Variants in BLM observed in about 807,000 individuals in gnomAD.
BLM encodes recQ-like DNA helicase BLM.
A neutral mutation model predicts 135.3 loss-of-function variants in BLM; 95 were observed. The observed-to-expected ratio is 0.70, with a 90% confidence interval of 0.59 to 0.83. The LOEUF is 0.83. Among genes scored for constraint, BLM ranks in the 40% least tolerant of loss-of-function variants. The pLI is 0.00. For synonymous variants in BLM, 520 were observed against 589.2 expected (o/e 0.88, Z 1.70); for missense variants, 1,518 against 1,663.9 (o/e 0.91, Z 1.53).
rs558524280 is a variant in BLM, at chr15:90,750,010, A to T, written c.742A>T (p.Ile248Leu). ...TGATGGCCCCATTGCTGAAGTGCAT[A>T]TAAATGAAGATGCTCAGGAAAGTGA... ...IDDGPIAEVH[I>L]NEDAQESDSL... Residue 248 changes from isoleucine to leucine, a missense_variant, in exon 3 of 22, where the codon ATA (isoleucine) becomes TTA (leucine). Physicochemically the swap from Ile to Leu is conservative, Grantham distance 5 (BLOSUM62 2). Around this residue, in one of 5 missense-constraint regions of BLM, gnomAD observed 724 missense variants for 756.9 expected, o/e 0.96. Coordinates refer to ENST00000355112, the MANE Select transcript of BLM (RefSeq NM_000057.4). 1.7e-5 allele frequency: 28 copies of T among 1,614,242 alleles called. No homozygotes were observed. The highest frequency in any genetic ancestry group is 2.4e-5 in the Non-Finnish European group (28 of 1,180,044).
chr15:90,742,162 T>G (rs1219505997), intron 1 of BLM, among the ~76,000 whole-genome samples: 1 of 152,160 alleles, frequency 6.6e-6, no homozygotes, highest in East Asian at 1.9e-4. Flanking sequence ...AGTGCCCCAG[T>G]TAAGGTAAAG....
intron 18 of BLM, 121 bp downstream of exon 18, chr15:90,803,841 C>A: frequency 2.9e-6 from 3 of 1,026,274 alleles, no homozygotes; most frequent in Non-Finnish European, 4.3e-6. Context: ...CTGTTCTATA[C>A]GAACATATTC....
chr15:90,769,686 A>G, intron 12 of BLM, 100 bp downstream of exon 12: 1 of 1,265,738 alleles, frequency 7.9e-7, no homozygotes, highest in Non-Finnish European at 1.1e-6. Flanking sequence ...CCACCACCCC[A>G]CCCCCACCCC....
At position 90,814,196 on chromosome 15, in the gene BLM, C is replaced by T. The variant is rs1204003745; in HGVS notation, c.4077-906C>T. 2.0e-5 allele frequency among the ~76,000 whole-genome samples: 3 copies of T among 152,214 alleles called. No individual in the cohort carries two copies. In the East Asian group the frequency reaches 5.8e-4, roughly 29 times the overall value. On this transcript the variant is annotated intron_variant, in intron 21 of 21. Transcript: ENST00000355112. ...CCCACAGGCTGTGGCCCTATACCCT[C>T]AATTCAGACGGGAGGCTACTTGTAT...
rs1156919580 is a variant in BLM, at chr15:90,803,616, G to T, written c.3454G>T (p.Asp1152Tyr). 1.9e-6 allele frequency: 3 copies of T among 1,613,978 alleles called. No homozygotes were observed. Among genetic ancestry groups the T allele is most frequent in the Non-Finnish European group, 2.5e-6 (3 of 1,179,994 alleles). Residue 1152 changes from aspartate to tyrosine, a missense_variant, in exon 18 of 22, where the codon GAC becomes TAC. Asp to Tyr is a radical substitution (Grantham distance 160). Coordinates refer to ENST00000355112, the MANE Select transcript of BLM (RefSeq NM_000057.4). The part of the protein sequence containing the change: ...AERLFKKLIL[D>Y]KILDEDLYIN... ...AAGACTTTTTAAAAAGCTGATACTT[G>T]ACAAGATTTTGGATGAAGACTTATA...
chr15:90,802,332 G>C (rs1257508088), intron 17 of BLM, among the ~76,000 whole-genome samples: 1 of 152,166 alleles, frequency 6.6e-6, no homozygotes, highest in Admixed American at 6.5e-5. Context: ...AATGTCACAA[G>C]GTCTCTTAAG....
chr15:90,758,244 T>G (rs1424684495), intron 5 of BLM, among the ~76,000 whole-genome samples: 1 of 151,964 alleles, frequency 6.6e-6, no homozygotes, highest in Non-Finnish European at 1.5e-5. Context: ...TCCCAGCACT[T>G]TGGGAGACCG....
At position 90,749,780 on chromosome 15, in the gene BLM, C is replaced by T. The variant is rs2151147496; in HGVS notation, c.512C>T (p.Thr171Ile). 2 of 1,612,296 alleles carry T rather than the reference C, an allele frequency of 1.2e-6. No individual in the cohort carries two copies. Among genetic ancestry groups the T allele is most frequent in the Non-Finnish European group, 8.5e-7 (1 of 1,178,944 alleles). ...TCTGAGACTTCAAAATCATTTGTTA[C>T]ACCACCCCAAAGTCACTTTGTAAGA... is the stretch of plus-strand genomic sequence containing the variant. Reference protein sequence around the residue: ...DTSETSKSFVTPPQSHFVRVS... With the variant: ...DTSETSKSFVIPPQSHFVRVS... The change falls in exon 3 of 22, where the codon ACA becomes ATA. Residue 171 changes from threonine (T) to isoleucine (I), a missense_variant. Thr to Ile is a moderately conservative substitution (Grantham distance 89, BLOSUM62 -1). Coordinates refer to ENST00000355112, the MANE Select transcript of BLM (RefSeq NM_000057.4).
At position 90,777,749 on chromosome 15, in the gene BLM, A is replaced by G. The variant is rs12440874; in HGVS notation, c.2556-5073A>G. Among the ~76,000 whole-genome samples the G allele has an allele frequency of 4.8e-3, 724 of 152,190 alleles. 12 individuals carry two copies. The highest frequency in any genetic ancestry group is 0.03 in the East Asian group (154 of 5,182). On this transcript the variant is annotated intron_variant, in intron 12 of 21. Transcript: ENST00000355112. ...ATTTAGTGGGTTGCTTTTTTTCTGT[A>G]TTTTCACAGAATTGTACAACCATCC...
chr15:90,790,710 T>C lies in BLM; in HGVS notation c.2885T>C (p.Ile962Thr). 6.2e-7 allele frequency: 1 copy of C among 1,614,222 alleles called. No homozygotes were observed. Among genetic ancestry groups the C allele is most frequent in the Non-Finnish European group, 8.5e-7 (1 of 1,180,046 alleles). ...GIDKPDVRFV[I>T]HASLPKSVEG... ...GACAAACCGGACGTGCGATTTGTGA[T>C]TCATGCATCTCTCCCTAAATCTGTG... Residue 962 changes from isoleucine to threonine, a missense_variant, in exon 15 of 22, where the codon ATT (isoleucine) becomes ACT (threonine). Coordinates refer to ENST00000355112, the MANE Select transcript of BLM (RefSeq NM_000057.4).
chr15:90,804,122 AG>A lies in BLM; in HGVS notation c.3559-44del, dbSNP rs1224312288. ...TAAATAAAGCCCCTGTATGGGTACA[AG>A]TGCACATATACCCACTCCTATGATT... On this transcript the variant is annotated intron_variant, in intron 18 of 21. Transcript: ENST00000355112. The A allele has an allele frequency of 3.4e-6, 5 of 1,487,242 alleles. No homozygotes were observed. The Admixed American group carries it at 6.8e-5, about 20-fold the overall frequency. 92.1% of individuals were successfully genotyped at this position (1,487,242 alleles called of 1,614,324 possible).
chr15:90,769,146 A>G lies in BLM; in HGVS notation c.2321A>G (p.Asn774Ser), dbSNP rs1245556905. The change falls in exon 11 of 22, where the codon AAC becomes AGC. Residue 774 changes from asparagine (N) to serine (S), a missense_variant. Asn to Ser is a conservative substitution (Grantham distance 46). Transcript: ENST00000355112. ...YVTPEKICASNRLISTLENLY... is the reference protein window; with the variant it reads ...YVTPEKICASSRLISTLENLY... Reference sequence around the variant, plus strand: ...TTTCTGGCCTAGATCTGTGCAAGTAACAGACTCATTTCTACTCTGGAGAAT... The same window carrying G: ...TTTCTGGCCTAGATCTGTGCAAGTAGCAGACTCATTTCTACTCTGGAGAAT... The G allele has an allele frequency of 6.2e-7, 1 of 1,611,810 alleles. No individual in the cohort carries two copies. The highest frequency in any genetic ancestry group is 8.5e-7 in the Non-Finnish European group (1 of 1,177,960).
chr15:90,786,958 G>A (rs755296175), intron 14 of BLM, among the ~76,000 whole-genome samples: 81 of 149,878 alleles, frequency 5.4e-4, no homozygotes, highest in Non-Finnish European at 1.0e-3. Flanking sequence ...TAACAATATT[G>A]GGCATCTGTT....
intron 1 of BLM, among the ~76,000 whole-genome samples, chr15:90,735,854 A>G (rs373845827): frequency 6.6e-6 from 1 of 152,168 alleles, no homozygotes; most frequent in Non-Finnish European, 1.5e-5. Flanking sequence ...TAAAAGATAG[A>G]TGAGAAACCA....
chr15:90,761,881 G>T (rs986389972), intron 7 of BLM, among the ~76,000 whole-genome samples: 3 of 152,106 alleles, frequency 2.0e-5, no homozygotes, highest in African/African-American at 7.2e-5. Flanking sequence ...GTTTTGAGAG[G>T]AATGAAATTA....
chr15:90,748,232 C>G (rs1365364902), intron 2 of BLM, among the ~76,000 whole-genome samples: 2 of 152,038 alleles, frequency 1.3e-5, no homozygotes, highest in African/African-American at 4.8e-5. Context: ...CCTCAGCCTC[C>G]CAAGTAGCTG....
At chr15:90,724,927 GAGA>G (rs1481005138) in intron 1 of BLM, among the ~76,000 whole-genome samples, 3 of 151,888 alleles carry the variant, frequency 2.0e-5, no homozygotes, top group Non-Finnish European at 2.9e-5. Flanking sequence ...TTTGTTTTTT[GAGA>G]AGGAGTCTCA....
intron 10 of BLM, among the ~76,000 whole-genome samples, chr15:90,768,423 G>A (rs1405174335): frequency 1.3e-5 from 2 of 152,108 alleles, no homozygotes; most frequent in Admixed American, 6.5e-5. Flanking sequence ...ACATGTGCTC[G>A]TTGCTACTGA....
At chr15:90,791,414 T>A (rs769947883) in intron 15 of BLM, among the ~76,000 whole-genome samples, 7 of 152,178 alleles carry the variant, frequency 4.6e-5, no homozygotes, top group African/African-American at 1.7e-4. Flanking sequence ...ATACTTTATA[T>A]ATATAATGAC....
Sources: allele counts gnomAD v4.1 joint callset (sites outside exome capture counted in the v4.1 genomes callset), GRCh38; gene constraint gnomAD v4.1.1; regional missense constraint gnomAD v4.1.1; transcripts MANE v1.5; gene names NCBI Gene and HGNC (gene_info 2026-07-23, HGNC 2026-07-21).